MGLL: variants seen among roughly 807,000 people sequenced by gnomAD.
MGLL encodes monoglyceride lipase.
A neutral mutation model predicts 29.1 loss-of-function variants in MGLL; 7 were observed. The observed-to-expected ratio is 0.24, with a 90% CI of 0.14 to 0.45. The LOEUF (loss-of-function observed/expected upper bound fraction) is 0.45, where lower values mean the gene tolerates loss of function less well. Among genes scored for constraint, MGLL ranks in the 20% least tolerant of loss-of-function variants. The pLI is 0.99. For missense variants in MGLL, 356 were observed against 413.6 expected, an observed-to-expected ratio of 0.86 and a Z score of 1.21; for synonymous variants, 148 against 168.3, an observed-to-expected ratio of 0.88 and a Z score of 0.93.
chr3:127,785,105 G>A (rs1362514702), intron 2 of MGLL, among the ~76,000 whole-genome samples: 4 of 152,088 alleles, frequency 2.6e-5, no homozygotes, highest in African/African-American at 7.2e-5. Context: ...CTGGAAGCCC[G>A]CCTGTGCTGT....
intron 6 of MGLL, among the ~76,000 whole-genome samples, chr3:127,708,407 G>C (rs1475067215): frequency 6.6e-6 from 1 of 152,226 alleles, no homozygotes; most frequent in Non-Finnish European, 1.5e-5. Context: ...AGGCAGGAGG[G>C]CTCGGATGGG....
intron 3 of MGLL, among the ~76,000 whole-genome samples, chr3:127,743,164 C>G (rs2076376691): frequency 6.6e-6 from 1 of 152,186 alleles, no homozygotes; most frequent in Non-Finnish European, 1.5e-5. Context: ...AGAAAGCCAG[C>G]TCAGTGGCCA....
chr3:127,697,676 G>A (rs571537181), intron 6 of MGLL, among the ~76,000 whole-genome samples: 1 of 152,354 alleles, frequency 6.6e-6, no homozygotes, highest in African/African-American at 2.4e-5. Flanking sequence ...TGCACATTCT[G>A]GGTTGACGGC....
chr3:127,712,800 C>T (rs3773137), intron 5 of MGLL: 38,461 of 152,238 alleles, frequency 0.25, 5,098 homozygotes, highest in Middle Eastern at 0.5. Flanking sequence ...TGGGCCAGCT[C>T]CAAGAACGAG....
chr3:127,764,570 C>T (rs1227839005), intron 3 of MGLL, among the ~76,000 whole-genome samples: 1 of 152,198 alleles, frequency 6.6e-6, no homozygotes, highest in South Asian at 2.1e-4. Context: ...ACCACACCTA[C>T]TCCAAGGCTG....
chr3:127,702,540 G>A (rs2075512888), intron 6 of MGLL, among the ~76,000 whole-genome samples: 1 of 152,268 alleles, frequency 6.6e-6, no homozygotes, highest in African/African-American at 2.4e-5. Flanking sequence ...TCTCCTGGAA[G>A]CTGCAGTGCC....
intron 2 of MGLL, among the ~76,000 whole-genome samples, chr3:127,802,410 G>C (rs2077494061): frequency 6.6e-6 from 1 of 152,116 alleles, no homozygotes; most frequent in Non-Finnish European, 1.5e-5. Flanking sequence ...CCCTAATTAA[G>C]CCTGATTAGC....
Position 127,757,367 on chromosome 3 carries a change from C to T in MGLL, c.262+24422G>A, listed in dbSNP as rs1022329482. Among the ~76,000 whole-genome samples, 5 of 152,186 alleles carry T rather than the reference C, an allele frequency of 3.3e-5. No homozygotes were observed. In the South Asian group the frequency reaches 1.0e-3, roughly 32 times the overall value. On this transcript the variant is annotated intron_variant, in intron 3 of 7. Coordinates refer to ENST00000265052, the MANE Select transcript of MGLL (RefSeq NM_007283.7). ...GCTCAGTCGGGAAGGCAGCAATCTACATATATTTATTGATTTCTAATTTTT... is the reference window on the plus strand; with the variant it reads ...GCTCAGTCGGGAAGGCAGCAATCTATATATATTTATTGATTTCTAATTTTT...
At chr3:127,694,178 C>G (rs1020590329) in intron 7 of MGLL, among the ~76,000 whole-genome samples, 2 of 147,734 alleles carry the variant, frequency 1.4e-5, no homozygotes, top group African/African-American at 2.5e-5. Context: ...GCTGAGGCAG[C>G]AGAATCACTT....
Position 127,727,454 on chromosome 3 carries a change from G to A in MGLL, c.263-4888C>T, listed in dbSNP as rs561917953. ...TGGCTAGGCGCAGTGGCTCATGCCT[G>A]TAATCCCAGCACTTTGGGAGGCCAA... On this transcript the variant is annotated intron_variant, in intron 3 of 7. Transcript: ENST00000265052. Among the ~76,000 whole-genome samples, 4 of 152,170 alleles carry A rather than the reference G, an allele frequency of 2.6e-5. No homozygotes were observed. In the South Asian group the frequency reaches 8.3e-4, roughly 32 times the overall value.
chr3:127,715,759 C>G, intron 5 of MGLL: 1 of 456,692 alleles, frequency 2.2e-6, no homozygotes, highest in Non-Finnish European at 4.4e-6. Flanking sequence ...ATCACATTGT[C>G]GAGGTCGACC....
At chr3:127,711,124 C>T (rs1311161967) in intron 5 of MGLL, 2 of 204,388 alleles carry the variant, frequency 9.8e-6, no homozygotes, top group East Asian at 1.0e-4. Flanking sequence ...AGAAAGTGTG[C>T]GTCCATTTCT....
intron 2 of MGLL, among the ~76,000 whole-genome samples, chr3:127,809,498 T>G (rs1192390460): frequency 6.6e-6 from 1 of 152,090 alleles, no homozygotes; most frequent in Non-Finnish European, 1.5e-5. Flanking sequence ...TGGTGGCAAG[T>G]GCCTGTAGTC....
rs142243700 is a variant in MGLL, at chr3:127,821,719, A to G, written c.130T>C (p.Tyr44His). 263 of 1,614,084 alleles carry G rather than the reference A, an allele frequency of 1.6e-4. 2 individuals are homozygous for G. In the East Asian group the frequency reaches 5.8e-3, roughly 35 times the overall value. Residue 44 changes from tyrosine to histidine, a missense_variant, in exon 2 of 8, where the codon TAC becomes CAC. By Grantham distance (83) the Tyr-to-His change is moderately conservative. Coordinates refer to ENST00000265052, the MANE Select transcript of MGLL (RefSeq NM_007283.7). ...TTGGGTGTGCCTGTGGGTTTCCAGT[A>G]CCTGCAGAAGAGGTACTGTCCGTCT... ...NADGQYLFCR[Y>H]WKPTGTPKAL...
chr3:127,707,710 A>G (rs931863386), intron 6 of MGLL, among the ~76,000 whole-genome samples: 2 of 152,264 alleles, frequency 1.3e-5, no homozygotes, highest in Admixed American at 1.3e-4. Flanking sequence ...TGTCTGGCAC[A>G]GAAGAATGAT....
intron 3 of MGLL, among the ~76,000 whole-genome samples, chr3:127,762,587 AAAAC>A (rs1348958098): frequency 2.0e-5 from 3 of 152,210 alleles, no homozygotes; most frequent in Non-Finnish European, 4.4e-5. Context: ...ATCCGGGTCC[AAAAC>A]TGCCACCAAC....
intron 3 of MGLL, among the ~76,000 whole-genome samples, chr3:127,733,344 C>G (rs2076184469): frequency 6.6e-6 from 1 of 152,240 alleles, no homozygotes; most frequent in Non-Finnish European, 1.5e-5. Context: ...AATGGGCACC[C>G]ACCAGCCCTC....
intron 2 of MGLL, among the ~76,000 whole-genome samples, chr3:127,790,012 T>A (rs73862353): frequency 0.065 from 9,818 of 152,188 alleles, 676 homozygotes; most frequent in East Asian, 0.3. Context: ...TACGCCAAGG[T>A]GGGTAAAGTG....
intron 1 of MGLL, 200 bp from the exon 2 acceptor site, chr3:127,822,038 T>C (rs1318161942): frequency 2.9e-6 from 2 of 681,116 alleles, no homozygotes; most frequent in African/African-American, 3.6e-5. Flanking sequence ...CTTAAGAAAA[T>C]GCTCACTTTA....
Sources: allele counts gnomAD v4.1 joint callset (sites outside exome capture counted in the v4.1 genomes callset), GRCh38; gene constraint gnomAD v4.1.1; transcripts MANE v1.5; gene names NCBI Gene and HGNC (gene_info 2026-07-23, HGNC 2026-07-21).